Variants in LARGE1 observed in about 807,000 individuals in gnomAD.
LARGE1 encodes LARGE xylosyl- and glucuronyltransferase 1.
In LARGE1, 43 loss-of-function variants were observed where a neutral mutation model predicts 87.6. That is an observed-to-expected ratio of 0.49 (90% confidence interval 0.38 to 0.63). The LOEUF (loss-of-function observed/expected upper bound fraction) is 0.63, where lower values mean the gene tolerates loss of function less well. Ranked by LOEUF, LARGE1 falls within the 30% of genes least tolerant of loss-of-function variation. LARGE1 has a pLI of 0.00. For missense variants in LARGE1, 802 were observed against 1,000.2 expected, an observed-to-expected ratio of 0.80 and a Z score of 2.67; for synonymous variants, 434 against 394.6, an observed-to-expected ratio of 1.10 and a Z score of -1.18.
At chr22:33,326,095 A>G (rs995781694) in intron 10 of LARGE1, among the ~76,000 whole-genome samples, 1 of 152,050 alleles carries the variant, frequency 6.6e-6, no homozygotes, top group South Asian at 2.1e-4. Flanking sequence ...AACCCAAAGC[A>G]TTTTTTTACT....
At chr22:33,505,083 A>C (rs996520303) in intron 6 of LARGE1, among the ~76,000 whole-genome samples, 8 of 152,236 alleles carry the variant, frequency 5.3e-5, no homozygotes, top group South Asian at 2.1e-4. Flanking sequence ...CGCTCAACAC[A>C]CAGAGGATTC....
chr22:33,762,230 A>T (rs1239594283), intron 1 of LARGE1, among the ~76,000 whole-genome samples: 18 of 149,256 alleles, frequency 1.2e-4, no homozygotes, highest in South Asian at 2.1e-4. Flanking sequence ...AAAAAAAAAA[A>T]AAAAAAAAAA....
chr22:33,447,561 C>T (rs1423259493), intron 6 of LARGE1, among the ~76,000 whole-genome samples: 1 of 152,238 alleles, frequency 6.6e-6, no homozygotes, highest in Non-Finnish European at 1.5e-5. Flanking sequence ...TCCTAGCACT[C>T]TCTTCCTGCT....
intron 1 of LARGE1, among the ~76,000 whole-genome samples, chr22:33,822,044 T>A (rs930916679): frequency 6.6e-6 from 1 of 151,698 alleles, no homozygotes; most frequent in African/African-American, 2.4e-5. Context: ...TTGTAATCTA[T>A]AATAAATATA....
intron 3 of LARGE1, among the ~76,000 whole-genome samples, chr22:33,634,706 A>AAC (rs1366226625): frequency 1.3e-5 from 2 of 151,698 alleles, no homozygotes; most frequent in Non-Finnish European, 2.9e-5. Flanking sequence ...AATAATAAAA[A>AAC]CCCCTGGAAA....
rs192921349 is a variant in LARGE1 at position 33,409,844 on chromosome 22, G to A, written c.892+22317C>T. ...CCACTGCACTCCAGCCTGGGCGACA[G>A]AGTGAGACTCCATCTCAAAAAAAAA... On this transcript the variant is annotated intron_variant, in intron 7 of 14. Coordinates refer to ENST00000397394, the MANE Select transcript of LARGE1 (RefSeq NM_133642.5). Among the ~76,000 whole-genome samples, 1,415 of 141,520 alleles carry A rather than the reference G, an allele frequency of 1.0e-2. 14 individuals are homozygous for A. The highest frequency in any genetic ancestry group is 0.014 in the Non-Finnish European group (922 of 66,460). The allele number at this position is 141,520 out of a possible 152,430, so 92.8% of individuals were successfully genotyped here. A position where few individuals can be genotyped will look rare whatever the true frequency, so the allele number is the denominator to read the frequency against.
intron 4 of LARGE1, among the ~76,000 whole-genome samples, chr22:33,621,537 A>G (rs1371920416): frequency 6.6e-6 from 1 of 152,216 alleles, no homozygotes; most frequent in Non-Finnish European, 1.5e-5. Flanking sequence ...TAACAGTGAA[A>G]GCCAAAAGAA....
chr22:33,915,618 G>A (rs1466476331), intron 1 of LARGE1, among the ~76,000 whole-genome samples: 1 of 152,118 alleles, frequency 6.6e-6, no homozygotes, highest in Non-Finnish European at 1.5e-5. Flanking sequence ...GCTGTACGTA[G>A]AATGATAACG....
At chr22:33,430,336 G>A (rs2067035309) in intron 7 of LARGE1, among the ~76,000 whole-genome samples, 1 of 152,166 alleles carries the variant, frequency 6.6e-6, no homozygotes, top group South Asian at 2.1e-4. Context: ...TAGAGGCCCT[G>A]CCTTACCCAT....
At chr22:33,695,415 A>G (rs796120130) in intron 2 of LARGE1, among the ~76,000 whole-genome samples, 3 of 152,218 alleles carry the variant, frequency 2.0e-5, no homozygotes, top group African/African-American at 7.2e-5. Flanking sequence ...CTGCCACCTG[A>G]TGCAGATGAA....
intron 1 of LARGE1, among the ~76,000 whole-genome samples, chr22:33,834,300 G>T (rs1486681442): frequency 6.6e-6 from 1 of 152,182 alleles, no homozygotes; most frequent in Non-Finnish European, 1.5e-5. Flanking sequence ...AGGCCTCTGA[G>T]CCCAAGCTAA....
chr22:33,350,382 C>T (rs951745055), intron 9 of LARGE1, among the ~76,000 whole-genome samples: 13 of 152,266 alleles, frequency 8.5e-5, no homozygotes, highest in Non-Finnish European at 1.5e-4. Flanking sequence ...GAGTGATAAC[C>T]AGCCCGTATT....
intron 6 of LARGE1, among the ~76,000 whole-genome samples, chr22:33,445,076 C>T (rs562682195): frequency 5.8e-4 from 89 of 152,228 alleles, no homozygotes; most frequent in Admixed American, 2.0e-3. Context: ...GTGATCCGCC[C>T]GCCACGGCCT....
chr22:33,215,633 ACATCATT>A (rs1925166228), intron 11 of LARGE1, among the ~76,000 whole-genome samples: 1 of 152,130 alleles, frequency 6.6e-6, no homozygotes, highest in African/African-American at 2.4e-5. Context: ...TTCCCTTAAG[ACATCATT>A]CTTGAAGTCA....
the LARGE1 span, among the ~76,000 whole-genome samples, chr22:33,104,601 G>A: frequency 6.6e-6 from 1 of 152,214 alleles, no homozygotes; most frequent in African/African-American, 2.4e-5. Flanking sequence ...TATGCAAGAG[G>A]TGCTATAGGA....
intron 4 of LARGE1, among the ~76,000 whole-genome samples, chr22:33,610,519 A>C (rs551715888): frequency 9.9e-5 from 15 of 152,218 alleles, no homozygotes; most frequent in African/African-American, 3.6e-4. Context: ...CAAAGTGTCC[A>C]GATGGAGGAG....
chr22:33,216,869 A>T (rs1925231253), intron 11 of LARGE1, among the ~76,000 whole-genome samples: 1 of 152,188 alleles, frequency 6.6e-6, no homozygotes, highest in African/African-American at 2.4e-5. Flanking sequence ...GGGCTTGGAC[A>T]TGTGGGAGCT....
intron 11 of LARGE1, among the ~76,000 whole-genome samples, chr22:33,211,881 C>G (rs1331411314): frequency 1.3e-5 from 2 of 152,162 alleles, no homozygotes; most frequent in African/African-American, 4.8e-5. Context: ...AAGATCAAAC[C>G]AGCTGTATAA....
At chr22:33,495,919 G>GT (rs947250048) in intron 6 of LARGE1, among the ~76,000 whole-genome samples, 14 of 152,124 alleles carry the variant, frequency 9.2e-5, no homozygotes, top group Admixed American at 5.2e-4. Flanking sequence ...TGGTACCTCT[G>GT]TGAGTGTATT....
Sources: gnomAD v4.1 joint callset for allele counts (sites outside exome capture counted in the v4.1 genomes callset) on GRCh38, gnomAD v4.1.1 for gene constraint, MANE v1.5 for transcripts, NCBI Gene and HGNC (gene_info 2026-07-23, HGNC 2026-07-21) for gene names.